SCML2: variants seen among roughly 807,000 people sequenced by gnomAD.
SCML2 encodes Scm polycomb group protein like 2.
Under a neutral mutation model 48.4 loss-of-function variants are expected in SCML2, and 6 were observed. The ratio of observed to expected loss-of-function variants is 0.12; its 90% CI spans 0.07 to 0.24. The LOEUF (loss-of-function observed/expected upper bound fraction) is 0.24. Ranked by LOEUF, SCML2 falls within the 10% of genes least tolerant of loss-of-function variation. The pLI is 1.00. For missense variants in SCML2, 377 were observed against 528.2 expected, an observed-to-expected ratio of 0.71 and a Z score of 2.81; for synonymous variants, 181 against 189.5, an observed-to-expected ratio of 0.95 and a Z score of 0.37.
intron 6 of SCML2, among the ~76,000 whole-genome samples, chrX:18,319,615 A>C (rs899913176): frequency 9.1e-6 from 1 of 109,297 alleles, no homozygotes; most frequent in Non-Finnish European, 1.9e-5. Flanking sequence ...AAACAAAAAA[A>C]AAAAAACCTG....
intron 1 of SCML2, among the ~76,000 whole-genome samples, chrX:18,352,587 G>T (rs1184303455): frequency 1.8e-5 from 2 of 111,683 alleles, no homozygotes; most frequent in East Asian, 5.6e-4. Flanking sequence ...AAATTTTCAG[G>T]AATAAACTAT....
chrX:18,291,364 T>A (rs1206934249), intron 7 of SCML2, among the ~76,000 whole-genome samples: 1 of 111,961 alleles, frequency 8.9e-6, no homozygotes, highest in Admixed American at 9.5e-5. Context: ...TCCAAGTAAG[T>A]TTCTCAGTGA....
intron 1 of SCML2, among the ~76,000 whole-genome samples, chrX:18,340,319 G>T (rs1172802708): frequency 8.9e-6 from 1 of 111,895 alleles, no homozygotes; most frequent in African/African-American, 3.2e-5. Flanking sequence ...GAAGTTGGGA[G>T]GATCGCTTGA....
chrX:18,292,072 T>G (rs770733832), intron 7 of SCML2, among the ~76,000 whole-genome samples: 1 of 111,567 alleles, frequency 9.0e-6, no homozygotes, highest in East Asian at 2.8e-4. Flanking sequence ...GGAATATTAA[T>G]GACCAAAAAA....
At position 18,261,177 on chromosome X, in the gene SCML2, T is replaced by C. The variant is rs1927050783; in HGVS notation, c.949-886A>G. Among the ~76,000 whole-genome samples the C allele has an allele frequency of 3.0e-5, 3 of 101,457 alleles. No homozygotes were observed. The South Asian group carries it at 1.3e-3, about 43-fold the overall frequency. The allele number at this position is 101,457 out of a possible 115,157, so 88.1% of individuals were successfully genotyped here. Reference sequence around the variant, plus strand: ...AATGTTAAAGAAACAAAAAATGTGATTTTTTTTTTTTTGTCTTGCTATGTT... The same window carrying C: ...AATGTTAAAGAAACAAAAAATGTGACTTTTTTTTTTTTGTCTTGCTATGTT... On this transcript the variant is annotated intron_variant, in intron 8 of 14. Transcript: ENST00000251900.
At chrX:18,267,392 C>G (rs1269897856) in intron 7 of SCML2, among the ~76,000 whole-genome samples, 2 of 111,260 alleles carry the variant, frequency 1.8e-5, no homozygotes, top group Admixed American at 1.9e-4. Flanking sequence ...AACTAGTATA[C>G]CTTCTTTTAT....
intron 3 of SCML2, among the ~76,000 whole-genome samples, chrX:18,328,291 C>A (rs1418375441): frequency 9.0e-6 from 1 of 111,462 alleles, no homozygotes; most frequent in Admixed American, 9.6e-5. Context: ...AGTTTCTCAG[C>A]TGAATGATCA....
At chrX:18,246,274 G>A (rs184351528) in intron 13 of SCML2, among the ~76,000 whole-genome samples, 1 of 112,285 alleles carries the variant, frequency 8.9e-6, no homozygotes, top group African/African-American at 3.2e-5. Context: ...TCAGAGTCAT[G>A]AGAGGTTTGT....
At chrX:18,245,832 C>T (rs1448167120) in intron 13 of SCML2, among the ~76,000 whole-genome samples, 4 of 111,885 alleles carry the variant, frequency 3.6e-5, no homozygotes, top group South Asian at 3.7e-4. Flanking sequence ...CTCTGCCTCC[C>T]GGGTTCAAGT....
intron 7 of SCML2, among the ~76,000 whole-genome samples, chrX:18,270,090 T>C (rs912338544): frequency 5.2e-4 from 54 of 103,961 alleles, no homozygotes; most frequent in African/African-American, 1.8e-3. Flanking sequence ...TGCAGTGGCA[T>C]GATCTCGGCT....
chrX:18,324,088 C>A lies in SCML2; in HGVS notation c.168G>T (p.Gln56His). Residue 56 changes from glutamine (Q) to histidine (H), a missense_variant, in exon 5 of 15, where the codon CAG (glutamine) becomes CAT (histidine). By Grantham distance (24) the Gln-to-His change is conservative (BLOSUM62 0). Coordinates refer to ENST00000251900, the MANE Select transcript of SCML2 (RefSeq NM_006089.3). ...SAPSECFRQS[Q>H]IPPVNDFKVG... ...CTTTGAAATCATTCACAGGTGGAAT[C>A]TGAGACTATATATATAAATAAAATT... 3 of 1,178,364 alleles carry A rather than the reference C, an allele frequency of 2.5e-6. No homozygotes were observed. Among genetic ancestry groups the A allele is most frequent in the Non-Finnish European group, 3.5e-6 (3 of 868,372 alleles).
chrX:18,295,727 C>T (rs1046494087), intron 7 of SCML2, among the ~76,000 whole-genome samples: 3 of 110,539 alleles, frequency 2.7e-5, no homozygotes, highest in Admixed American at 9.6e-5. Context: ...CAGGCACGCT[C>T]GGCCCTCTAC....
chrX:18,354,464 C>T (rs1198063657), intron 1 of SCML2, 128 bp downstream of exon 1: 3 of 225,510 alleles, frequency 1.3e-5, no homozygotes, highest in African/African-American at 8.8e-5. Context: ...TAGGCGGGAT[C>T]GTAAGGGGGC....
intron 7 of SCML2, among the ~76,000 whole-genome samples, chrX:18,302,148 T>C (rs1010364704): frequency 1.8e-5 from 2 of 110,899 alleles, no homozygotes; most frequent in Non-Finnish European, 3.8e-5. Flanking sequence ...CTTTTTCTTT[T>C]TTTTTTCTTT....
chrX:18,288,943 G>A (rs1325629416), intron 7 of SCML2, among the ~76,000 whole-genome samples: 2 of 111,619 alleles, frequency 1.8e-5, no homozygotes, highest in Admixed American at 1.9e-4. Context: ...GACTGCTAAA[G>A]TAATTCGTAT....
At chrX:18,298,265 C>T (rs929758945) in intron 7 of SCML2, among the ~76,000 whole-genome samples, 5 of 111,255 alleles carry the variant, frequency 4.5e-5, no homozygotes, top group Non-Finnish European at 9.4e-5. Context: ...ATAGAAAAAA[C>T]AATCCTAAAT....
intron 2 of SCML2, 25 bp from the exon 3 acceptor site, chrX:18,330,680 C>G (rs779777681): frequency 1.0e-6 from 1 of 962,243 alleles, no homozygotes; most frequent in South Asian, 2.2e-5. Context: ...AATAGCAATA[C>G]TGGGAGTCCA....
chrX:18,254,090 G>A (rs1926756792), intron 11 of SCML2, among the ~76,000 whole-genome samples: 1 of 111,605 alleles, frequency 9.0e-6, no homozygotes, highest in Non-Finnish European at 1.9e-5. Flanking sequence ...ACCAGTGACT[G>A]ATTATACAGG....
In SCML2 at chrX:18,270,699, T is replaced by TAC. The variant is rs778055938; in HGVS notation, c.731-4899_731-4898dup. Among the ~76,000 whole-genome samples, 683 of 110,648 alleles carry TAC rather than the reference T, an allele frequency of 6.2e-3. 4 individuals carry two copies. The highest frequency in any genetic ancestry group is 0.018 in the African/African-American group (551 of 30,495). On this transcript the variant is annotated intron_variant, in intron 7 of 14. Coordinates refer to ENST00000251900, the MANE Select transcript of SCML2 (RefSeq NM_006089.3). ...ATACATATAGATATACATACATATA[T>TAC]ACACACACACACACCATGCTGAAAC...
Sources: allele counts gnomAD v4.1 joint callset (sites outside exome capture counted in the v4.1 genomes callset), GRCh38; gene constraint gnomAD v4.1.1; transcripts MANE v1.5; gene names NCBI Gene and HGNC (gene_info 2026-07-23, HGNC 2026-07-21).